KATNA1: variants seen among roughly 807,000 people sequenced by gnomAD.
KATNA1 encodes katanin p60 ATPase-containing subunit A1.
KATNA1 carries 42 observed loss-of-function variants against 62.6 expected under a neutral mutation model. The observed-to-expected ratio is 0.67, with a 90% CI of 0.52 to 0.87. The LOEUF is 0.87. Ranked by LOEUF, KATNA1 falls within the 40% of genes least tolerant of loss-of-function variation. The pLI, the probability that KATNA1 is intolerant of heterozygous loss-of-function variation, is 0.00. For missense variants in KATNA1, 498 were observed against 612.5 expected (o/e 0.81, Z 1.97); for synonymous variants, 186 against 201.9 (o/e 0.92, Z 0.67).
rs371995095 is a variant in KATNA1, at chr6:149,601,650, A to G, written c.832T>C (p.Leu278=). ...TTFFNVSSST[L]TSKYRGESEK... is the part of the protein sequence containing the mutation. ...GATTCTCCTCTGTATTTGGAAGTCA[A>G]AGTTGATGAAGAGACATTGAAGAAT... Residue 278 remains leucine, a synonymous_variant, in exon 7 of 11, where the codon TTG becomes CTG. Coordinates refer to ENST00000367411, the MANE Select transcript of KATNA1 (RefSeq NM_007044.4). 1.1e-4 allele frequency: 176 copies of G among 1,612,788 alleles called. 1 individual carries two copies. The East Asian group carries it at 1.4e-3, about 13-fold the overall frequency.
chr6:149,632,912 C>A lies in KATNA1; in HGVS notation c.167G>T (p.Trp56Leu). The A allele has an allele frequency of 6.3e-7, 1 of 1,599,206 alleles. No individual in the cohort carries two copies. The highest frequency in any genetic ancestry group is 1.1e-5 in the South Asian group (1 of 88,062). The change falls in exon 3 of 11, where the codon TGG becomes TTG. Residue 56 changes from tryptophan (W) to leucine (L), a missense_variant. Around this residue, in one of 3 missense-constraint regions of KATNA1, gnomAD observed 203 missense variants for 198.4 expected, o/e 1.02. Coordinates refer to ENST00000367411, the MANE Select transcript of KATNA1 (RefSeq NM_007044.4). ...TTTAGCTTCCACATTTATTTCCTGC[C>A]AAACCTGATTTCAAAGAAGAAGATG... ...TYLQQKWQQV[W>L]QEINVEAKHV...
chr6:149,613,210 A>AAAAAAAAAAAAAAAAAAAAAAAC (rs1779031974), intron 4 of KATNA1, among the ~76,000 whole-genome samples: 1 of 140,288 alleles, frequency 7.1e-6, no homozygotes, highest in Admixed American at 7.2e-5. Context: ...AAAAAAAAAA[A>AAAAAAAAAAAAAAAAAAAAAAAC]AAAAAAAGAA....
Position 149,603,136 on chromosome 6 carries a change from A to G in KATNA1, c.729+132T>C, listed in dbSNP as rs575540541. On this transcript the variant is annotated intron_variant, in intron 6 of 10. Coordinates refer to ENST00000367411, the MANE Select transcript of KATNA1 (RefSeq NM_007044.4). Reference sequence around the variant, plus strand: ...CTAACAAAATTCTCAGTAGCACAACATATACCTTTTAATTTAAACATTTCC... The same window carrying G: ...CTAACAAAATTCTCAGTAGCACAACGTATACCTTTTAATTTAAACATTTCC... 3 of 543,612 alleles carry G rather than the reference A, an allele frequency of 5.5e-6. No individual in the cohort carries two copies. The East Asian group carries it at 9.4e-5, about 17-fold the overall frequency. 33.7% of individuals were successfully genotyped at this position (543,612 alleles called of 1,614,324 possible).
intron 8 of KATNA1, 130 bp from the exon 9 acceptor site, chr6:149,597,771 A>C: frequency 1.3e-6 from 1 of 797,264 alleles, no homozygotes; most frequent in South Asian, 1.9e-5. Context: ...TGCCTCCTTA[A>C]GACTTAGGTT....
intron 4 of KATNA1, among the ~76,000 whole-genome samples, chr6:149,615,023 T>C (rs1779108569): frequency 6.7e-6 from 1 of 149,534 alleles, no homozygotes; most frequent in South Asian, 2.1e-4. Flanking sequence ...ATTCCAGCTA[T>C]GCAGGAGGCT....
rs368739065 is a variant in KATNA1, at chr6:149,633,100, A to ATTT, written c.163-187_163-185dup. 3.7e-4 allele frequency among the ~76,000 whole-genome samples: 45 copies of ATTT among 120,728 alleles called. 1 individual carries two copies. The highest frequency in any genetic ancestry group is 6.7e-4 in the African/African-American group (21 of 31,324). The allele number at this position is 120,728 out of a possible 152,430, so 79.2% of individuals were successfully genotyped here. A position where few individuals can be genotyped will look rare whatever the true frequency, so the allele number is the denominator to read the frequency against. ...TATTAAATTTATGTTTTCAATTGCA[A>ATTT]TTTTTTTTTTTTTTTTTTTTGGAGA... On this transcript the variant is annotated intron_variant, in intron 2 of 10. Coordinates refer to ENST00000367411, the MANE Select transcript of KATNA1 (RefSeq NM_007044.4).
intron 1 of KATNA1, among the ~76,000 whole-genome samples, chr6:149,647,150 T>G (rs894498672): frequency 2.7e-5 from 4 of 149,844 alleles, no homozygotes; most frequent in Non-Finnish European, 5.9e-5. Context: ...TACTGCGTGT[T>G]TTTTTTTTTA....
intron 1 of KATNA1, among the ~76,000 whole-genome samples, chr6:149,640,828 T>C (rs1780252542): frequency 6.6e-6 from 1 of 152,010 alleles, no homozygotes; most frequent in South Asian, 2.1e-4. Flanking sequence ...ATTACAGGCG[T>C]GAGCCACCAT....
At chr6:149,628,064 A>C (rs1779686006) in intron 3 of KATNA1, among the ~76,000 whole-genome samples, 1 of 151,890 alleles carries the variant, frequency 6.6e-6, no homozygotes, top group African/African-American at 2.4e-5. Flanking sequence ...AGCTATGTCT[A>C]ACCTTTTCTA....
At chr6:149,626,750 G>A (rs1194407793) in intron 3 of KATNA1, among the ~76,000 whole-genome samples, 1 of 151,280 alleles carries the variant, frequency 6.6e-6, no homozygotes, top group African/African-American at 2.4e-5. Flanking sequence ...TTGGGAGGCT[G>A]AGGCAGGTGG....
chr6:149,604,604 T>C, intron 5 of KATNA1, 57 bp downstream of exon 5: 1 of 1,592,188 alleles, frequency 6.3e-7, no homozygotes, highest in African/African-American at 1.3e-5. Context: ...ATTTGCTCCA[T>C]TTTCCATTCC....
chr6:149,640,777 G>C (rs998158982), intron 1 of KATNA1, among the ~76,000 whole-genome samples: 1 of 152,064 alleles, frequency 6.6e-6, no homozygotes, highest in Admixed American at 6.6e-5. Context: ...TCGATCTTGG[G>C]ACCTCGTGAT....
In KATNA1 at chr6:149,597,120, G is replaced by C; in HGVS notation, c.1220C>G (p.Ala407Gly). 2 of 1,614,002 alleles carry C rather than the reference G, an allele frequency of 1.2e-6. No homozygotes were observed. Among genetic ancestry groups the C allele is most frequent in the South Asian group, 1.1e-5 (1 of 91,072 alleles). Residue 407 changes from alanine (A) to glycine (G), a missense_variant, in exon 10 of 11, where the codon GCA becomes GGA. Transcript: ENST00000367411. ...ACCTTCCATGTTTTCTGCTATACTTGCAAGGTCAACATCATCAGCCAATTC... is the reference window on the plus strand; with the variant it reads ...ACCTTCCATGTTTTCTGCTATACTTCCAAGGTCAACATCATCAGCCAATTC... ...ELELADDVDLASIAENMEGYS... is the reference protein window; with the variant it reads ...ELELADDVDLGSIAENMEGYS...
At position 149,644,322 on chromosome 6, in the gene KATNA1, T is replaced by TA. The variant is rs199995379; in HGVS notation, c.-14+4146dup. 9.1e-3 allele frequency among the ~76,000 whole-genome samples: 1,383 copies of TA among 151,756 alleles called. 23 individuals carry two copies. Among genetic ancestry groups the TA allele is most frequent in the African/African-American group, 0.032 (1,329 of 41,406 alleles). On this transcript the variant is annotated intron_variant, in intron 1 of 10. Transcript: ENST00000367411. ...GAGATCTTTCTTCCCATTTTCCCAC[T>TA]AAAAAAAATCTAAAATAGTCAGGCA...
At chr6:149,646,808 G>A (rs1047447172) in intron 1 of KATNA1, among the ~76,000 whole-genome samples, 2 of 152,028 alleles carry the variant, frequency 1.3e-5, no homozygotes, top group Non-Finnish European at 2.9e-5. Context: ...ATCGATAAAC[G>A]CCACAAGCAA....
chr6:149,612,189 G>C (rs187495303), intron 4 of KATNA1, among the ~76,000 whole-genome samples: 286 of 152,116 alleles, frequency 1.9e-3, no homozygotes, highest in African/African-American at 6.7e-3. Context: ...TTCAAGCCCA[G>C]GTAGTTTCAT....
chr6:149,613,528 G>C (rs965778260), intron 4 of KATNA1, among the ~76,000 whole-genome samples: 2 of 152,110 alleles, frequency 1.3e-5, no homozygotes, highest in Non-Finnish European at 2.9e-5. Context: ...TGACAAGATA[G>C]AAGATAAACA....
rs1778405102 is a variant in KATNA1 at position 149,598,314 on chromosome 6, C to A, written c.925G>T (p.Glu309Ter). The change falls in exon 8 of 11, where the codon GAG (glutamate) becomes TAG (stop). Residue 309 changes from glutamate to a stop codon, truncating the protein, a stop_gained. Coordinates refer to ENST00000367411, the MANE Select transcript of KATNA1 (RefSeq NM_007044.4). LOFTEE classifies it high-confidence loss of function. ...CGGCGACTACAGATGGAGTCTATCT[C>A]ATCAATAAATATGGTGGCTGGAGAA... ...FYSPATIFID[E>*]IDSICSRRGT... The A allele has an allele frequency of 6.2e-7, 1 of 1,613,770 alleles. No individual in the cohort carries two copies. Among genetic ancestry groups the A allele is most frequent in the African/African-American group, 1.3e-5 (1 of 74,974 alleles).
At chr6:149,644,389 G>A (rs1780403584) in intron 1 of KATNA1, among the ~76,000 whole-genome samples, 1 of 152,044 alleles carries the variant, frequency 6.6e-6, no homozygotes, top group African/African-American at 2.4e-5. Flanking sequence ...GGGGTGCCAA[G>A]GTGGGAGGAT....
Sources: gnomAD v4.1 joint callset for allele counts (sites outside exome capture counted in the v4.1 genomes callset) on GRCh38, gnomAD v4.1.1 for gene constraint, gnomAD v4.1.1 regional missense constraint, MANE v1.5 for transcripts, NCBI Gene and HGNC (gene_info 2026-07-23, HGNC 2026-07-21) for gene names.